Variants in CDH13 observed in about 807,000 individuals in gnomAD.
CDH13 encodes the protein cadherin-13.
In CDH13, 24 loss-of-function variants were observed where a neutral mutation model predicts 63.8. That is an observed-to-expected ratio of 0.38 (90% CI 0.27 to 0.53). The LOEUF (loss-of-function observed/expected upper bound fraction) is 0.53, where lower values mean the gene tolerates loss of function less well. CDH13 is among the 20% of genes least tolerant of loss of function. The probability of loss-of-function intolerance (pLI) is 0.85; values close to 1 mark genes in which losing one functional copy is unlikely to be tolerated. For missense variants in CDH13, 1,049 were observed against 903.1 expected (o/e 1.16, Z -2.07); for synonymous variants, 503 against 355.3 (o/e 1.42, Z -4.67).
At chr16:83,026,837 A>C (rs1294594033) in intron 2 of CDH13, among the ~76,000 whole-genome samples, 2 of 152,182 alleles carry the variant, frequency 1.3e-5, no homozygotes, top group African/African-American at 4.8e-5. Flanking sequence ...CTTTGGGGCT[A>C]TGCAAGTTTT....
At chr16:82,962,956 G>T (rs1907244775) in intron 2 of CDH13, among the ~76,000 whole-genome samples, 1 of 152,022 alleles carries the variant, frequency 6.6e-6, no homozygotes, top group African/African-American at 2.4e-5. Context: ...TTTAGTAAAA[G>T]GTGTAATTAT....
rs80346754 is a variant in CDH13 at position 83,241,484 on chromosome 16, C to G, written c.636+23987C>G. Among the ~76,000 whole-genome samples, 3 of 152,130 alleles carry G rather than the reference C, an allele frequency of 2.0e-5. No homozygotes were observed. In the East Asian group the frequency reaches 5.8e-4, roughly 29 times the overall value. ...GTGTGACAATTTCTTCATGTCTTTT[C>G]AATACTTACTCTTTCTGTTTACTTG... is the stretch of plus-strand genomic sequence containing the variant. On this transcript the variant is annotated intron_variant, in intron 5 of 13. Transcript: ENST00000567109.
chr16:83,406,761 C>G (rs1190132137), intron 6 of CDH13, among the ~76,000 whole-genome samples: 1 of 152,124 alleles, frequency 6.6e-6, no homozygotes, highest in Non-Finnish European at 1.5e-5. Context: ...CTACCACACC[C>G]AGCCAGCTCT....
At position 82,644,419 on chromosome 16, in the gene CDH13, C is replaced by T. The variant is rs916788857; in HGVS notation, c.45+17282C>T. Among the ~76,000 whole-genome samples the T allele has an allele frequency of 2.6e-5, 4 of 152,148 alleles. No homozygotes were observed. Among genetic ancestry groups the T allele is most frequent in the Non-Finnish European group, 5.9e-5 (4 of 68,036 alleles). On this transcript the variant is annotated intron_variant, in intron 1 of 13. Coordinates refer to ENST00000567109, the MANE Select transcript of CDH13 (RefSeq NM_001257.5). This position sits in a 1 kb window ranked among gnomAD's most constrained non-coding sequence, Gnocchi z 5.7. ...GGTCCCTTAACCATGGAACGTACTCCTGTCTGCCCTCACTCGTGGGTTGAT... is the reference window on the plus strand; with the variant it reads ...GGTCCCTTAACCATGGAACGTACTCTTGTCTGCCCTCACTCGTGGGTTGAT...
chr16:82,653,579 G>A (rs1910973312), intron 1 of CDH13, among the ~76,000 whole-genome samples: 2 of 152,094 alleles, frequency 1.3e-5, no homozygotes, highest in South Asian at 2.1e-4. Context: ...TCATGCTTGG[G>A]GGAAGCTGAG....
intron 2 of CDH13, among the ~76,000 whole-genome samples, chr16:83,008,857 T>C (rs1913822885): frequency 2.0e-5 from 3 of 152,230 alleles, no homozygotes; most frequent in African/African-American, 4.8e-5. Context: ...AGAGGTTTCA[T>C]TGACTCACAG....
chr16:83,262,595 C>G (rs912848393), intron 5 of CDH13, among the ~76,000 whole-genome samples: 1 of 151,948 alleles, frequency 6.6e-6, no homozygotes, highest in Non-Finnish European at 1.5e-5. Flanking sequence ...CATTGGAGTC[C>G]CCCTCATTTA....
intron 1 of CDH13, among the ~76,000 whole-genome samples, chr16:82,674,030 G>T (rs1049984089): frequency 6.6e-6 from 1 of 152,190 alleles, no homozygotes; most frequent in Non-Finnish European, 1.5e-5. Flanking sequence ...CGAAGAAGGG[G>T]AACAGAGCTG....
chr16:83,468,121 C>G (rs574128706), intron 6 of CDH13, among the ~76,000 whole-genome samples: 1 of 152,294 alleles, frequency 6.6e-6, no homozygotes, highest in Admixed American at 6.5e-5. Flanking sequence ...AGATCAAGTC[C>G]TATTCCTTGG....
At chr16:83,033,384 C>A (rs1916555344) in intron 3 of CDH13, among the ~76,000 whole-genome samples, 1 of 152,158 alleles carries the variant, frequency 6.6e-6, no homozygotes, top group Non-Finnish European at 1.5e-5. Context: ...AGATAAGCTG[C>A]CCAACCTACT....
chr16:83,423,662 T>C (rs1433528186), intron 6 of CDH13, among the ~76,000 whole-genome samples: 15 of 152,202 alleles, frequency 9.9e-5, no homozygotes, highest in Non-Finnish European at 4.4e-5. Flanking sequence ...GCAGCAATCA[T>C]GATCATATGT....
intron 7 of CDH13, among the ~76,000 whole-genome samples, chr16:83,586,895 T>A (rs1700164722): frequency 6.6e-6 from 1 of 152,156 alleles, no homozygotes; most frequent in Non-Finnish European, 1.5e-5. Context: ...TTTTTTTCCC[T>A]CAGATGATTT....
chr16:83,147,913 G>T (rs1567877063), intron 4 of CDH13, among the ~76,000 whole-genome samples: 1 of 152,090 alleles, frequency 6.6e-6, no homozygotes, highest in Non-Finnish European at 1.5e-5. Flanking sequence ...GAGCCAGCAG[G>T]TTCTGGTGGC....
intron 4 of CDH13, among the ~76,000 whole-genome samples, chr16:83,157,221 G>A (rs1363118414): frequency 1.3e-5 from 2 of 152,062 alleles, no homozygotes; most frequent in East Asian, 1.9e-4. Context: ...TCTGATTAAC[G>A]GTATTGTGAT....
intron 2 of CDH13, among the ~76,000 whole-genome samples, chr16:82,904,857 A>G (rs2041590722): frequency 6.7e-6 from 1 of 149,814 alleles, no homozygotes; most frequent in Non-Finnish European, 1.5e-5. Flanking sequence ...CATTTGAACT[A>G]AATGAACCTA....
At chr16:83,205,117 G>T (rs1162060071) in intron 4 of CDH13, among the ~76,000 whole-genome samples, 1 of 152,152 alleles carries the variant, frequency 6.6e-6, no homozygotes, top group Non-Finnish European at 1.5e-5. Context: ...GAGATGGGAG[G>T]TACAGGAGAT....
chr16:83,786,731 G>A (rs544116500), intron 13 of CDH13, among the ~76,000 whole-genome samples: 1 of 152,128 alleles, frequency 6.6e-6, no homozygotes, highest in African/African-American at 2.4e-5. Flanking sequence ...AGGATTACAG[G>A]CATGCACCAC....
At chr16:83,591,326 A>T (rs978905199) in intron 7 of CDH13, among the ~76,000 whole-genome samples, 1 of 152,260 alleles carries the variant, frequency 6.6e-6, no homozygotes, top group Non-Finnish European at 1.5e-5. Context: ...TAATGTGGCA[A>T]ATAGTACTTG....
chr16:82,933,431 CGTG>C (rs1764636736), intron 2 of CDH13, among the ~76,000 whole-genome samples: 1 of 152,124 alleles, frequency 6.6e-6, no homozygotes. Flanking sequence ...TCCCCCAACA[CGTG>C]GGGATTACAA....
Sources: gnomAD v4.1 joint callset for allele counts (sites outside exome capture counted in the v4.1 genomes callset) on GRCh38, gnomAD v4.1.1 for gene constraint, Gnocchi (gnomAD v3.1) non-coding constraint, MANE v1.5 for transcripts, NCBI Gene and HGNC (gene_info 2026-07-23, HGNC 2026-07-21) for gene names.